The following C1orf87 variants were observed in gnomAD, a reference collection of about 807,000 sequenced individuals.
The protein encoded by C1orf87 is uncharacterized protein C1orf87.
C1orf87 carries 58 observed loss-of-function variants against 60.5 expected under a neutral mutation model. The observed-to-expected ratio is 0.96, with a 90% CI of 0.78 to 1.19. The LOEUF (loss-of-function observed/expected upper bound fraction) is 1.19. Ranked by LOEUF, C1orf87 falls within the 50% of genes most tolerant of loss-of-function variation. C1orf87 has a pLI of 0.00. For synonymous variants in C1orf87, 236 were observed against 227.4 expected (o/e 1.04, Z -0.34); for missense variants, 673 against 638.6 (o/e 1.05, Z -0.58).
intron 10 of C1orf87, among the ~76,000 whole-genome samples, chr1:60,000,418 A>T (rs1463763046): frequency 6.6e-6 from 1 of 152,144 alleles, no homozygotes; most frequent in Non-Finnish European, 1.5e-5. Flanking sequence ...GCTTGCCAAA[A>T]TGGGTACTAT....
In C1orf87 at chr1:59,997,766, T is replaced by A. The variant is rs558980333; in HGVS notation, c.1323A>T (p.Ser441=). 1.2e-6 allele frequency: 2 copies of A among 1,613,922 alleles called. No homozygotes were observed. The highest frequency in any genetic ancestry group is 1.7e-6 in the Non-Finnish European group (2 of 1,179,878). Residue 441 remains serine, a synonymous_variant, in exon 11 of 12, where the codon TCA becomes TCT. Coordinates refer to ENST00000371201, the MANE Select transcript of C1orf87 (RefSeq NM_152377.3). ...AAGGTTTCAGAGGATCTTTGCAGGC[T>A]GAAGTTTCAGCAGGAGAGCTTTCTG... is the stretch of plus-strand genomic sequence containing the variant. ...LQPESSPAET[S]ACKDPLKPLK... is the part of the protein sequence containing the mutation.
At chr1:60,033,813 A>G (rs1379281844) in intron 6 of C1orf87, among the ~76,000 whole-genome samples, 172 bp from the exon 7 acceptor site, 1 of 152,160 alleles carries the variant, frequency 6.6e-6, no homozygotes, top group African/African-American at 2.4e-5. Flanking sequence ...CAGACATTTC[A>G]TAGCTTAACT....
rs11578492 is a variant in C1orf87, at chr1:60,064,308, A to T, written c.107+8229T>A. Reference sequence around the variant, plus strand: ...TATATTATATATATATTTTATATATAATATATAAATTATATATTATATATA... The same window carrying T: ...TATATTATATATATATTTTATATATTATATATAAATTATATATTATATATA... On this transcript the variant is annotated intron_variant, in intron 2 of 11. Coordinates refer to ENST00000371201, the MANE Select transcript of C1orf87 (RefSeq NM_152377.3). Among the ~76,000 whole-genome samples the T allele has an allele frequency of 3.0e-4, 35 of 114,996 alleles. 1 individual carries two copies. Among genetic ancestry groups the T allele is most frequent in the South Asian group, 5.7e-4 (2 of 3,534 alleles). 75.4% of individuals were successfully genotyped at this position (114,996 alleles called of 152,430 possible).
intron 2 of C1orf87, among the ~76,000 whole-genome samples, chr1:60,068,575 C>T (rs35842399): frequency 0.13 from 19,402 of 152,200 alleles, 1,587 homozygotes; most frequent in East Asian, 0.27. Context: ...TGTTTCATGC[C>T]TTTGTGAAAA....
chr1:60,061,624 C>T lies in C1orf87; in HGVS notation c.108-6186G>A, dbSNP rs150482844. Among the ~76,000 whole-genome samples the T allele has an allele frequency of 5.8e-4, 88 of 151,614 alleles. No homozygotes were observed. In the East Asian group the frequency reaches 0.016, roughly 28 times the overall value. On this transcript the variant is annotated intron_variant, in intron 2 of 11. Coordinates refer to ENST00000371201, the MANE Select transcript of C1orf87 (RefSeq NM_152377.3). ...TCCTTCTCAACCCCAGGAAATTGAC[C>T]TCTGTGGACTTACTCTATCAATGGT... is the stretch of plus-strand genomic sequence containing the variant.
intron 7 of C1orf87, among the ~76,000 whole-genome samples, chr1:60,027,691 G>A (rs1309438660): frequency 6.6e-6 from 1 of 151,782 alleles, no homozygotes; most frequent in Non-Finnish European, 1.5e-5. Flanking sequence ...TGTGTATAGA[G>A]GAGAAATGTC....
At chr1:59,990,947 C>G (rs1644917814) in intron 11 of C1orf87, 114 bp from the exon 12 acceptor site, 2 of 992,710 alleles carry the variant, frequency 2.0e-6, no homozygotes, top group African/African-American at 3.3e-5. Flanking sequence ...TAATACTTTG[C>G]AATTTTAAGC....
intron 9 of C1orf87, among the ~76,000 whole-genome samples, chr1:60,009,066 C>T (rs1218723068): frequency 6.6e-6 from 1 of 152,000 alleles, no homozygotes; most frequent in African/African-American, 2.4e-5. Flanking sequence ...ATGTTCAAGT[C>T]CTAATCACTG....
chr1:60,021,840 C>A (rs1172935794), intron 8 of C1orf87, among the ~76,000 whole-genome samples: 2 of 152,216 alleles, frequency 1.3e-5, no homozygotes, highest in South Asian at 2.1e-4. Context: ...AGGATGGGGA[C>A]CACAGCTTTA....
chr1:60,036,767 C>T (rs916562615), intron 6 of C1orf87, among the ~76,000 whole-genome samples: 17 of 152,104 alleles, frequency 1.1e-4, no homozygotes, highest in South Asian at 2.1e-4. Context: ...TACTTTATTG[C>T]GTTTCATTTC....
At chr1:60,025,276 C>T (rs534423901) in intron 8 of C1orf87, 125 bp downstream of exon 8, 2 of 694,782 alleles carry the variant, frequency 2.9e-6, no homozygotes, top group Non-Finnish European at 4.9e-6. Context: ...ATGACATCAT[C>T]TAAACCTAAT....
At chr1:59,993,902 G>A (rs1283433324) in intron 11 of C1orf87, among the ~76,000 whole-genome samples, 1 of 151,940 alleles carries the variant, frequency 6.6e-6, no homozygotes, top group East Asian at 1.9e-4. Flanking sequence ...GGGACTACAG[G>A]TGCCTGCCAC....
chr1:60,054,353 G>A (rs941683215), intron 3 of C1orf87, among the ~76,000 whole-genome samples: 2 of 152,180 alleles, frequency 1.3e-5, no homozygotes, highest in African/African-American at 4.8e-5. Flanking sequence ...GTTCTTATGA[G>A]CAGAAGATCA....
chr1:60,038,323 G>T lies in C1orf87; in HGVS notation c.748-216C>A, dbSNP rs45544434. 4.5e-3 allele frequency among the ~76,000 whole-genome samples: 690 copies of T among 151,890 alleles called. 2 individuals are homozygous for T. Among genetic ancestry groups the T allele is most frequent in the Middle Eastern group, 0.017 (5 of 294 alleles). On this transcript the variant is annotated intron_variant, in intron 5 of 11. Coordinates refer to ENST00000371201, the MANE Select transcript of C1orf87 (RefSeq NM_152377.3). Reference sequence around the variant, plus strand: ...AATTGTACTTCCTGGTTGTCTTCTGGTTGGGTAAGGCCATGTGACTAGTTC... The same window carrying T: ...AATTGTACTTCCTGGTTGTCTTCTGTTTGGGTAAGGCCATGTGACTAGTTC...
intron 9 of C1orf87, among the ~76,000 whole-genome samples, chr1:60,009,579 T>A (rs893679468): frequency 1.3e-5 from 2 of 151,920 alleles, no homozygotes; most frequent in African/African-American, 2.4e-5. Context: ...CTAGTAAAGT[T>A]TCTTAGGTTT....
chr1:60,046,762 T>C (rs1158000095), intron 3 of C1orf87, among the ~76,000 whole-genome samples: 2 of 152,174 alleles, frequency 1.3e-5, no homozygotes, highest in Non-Finnish European at 2.9e-5. Flanking sequence ...AAATGTCTAG[T>C]CTTCCCACTC....
In C1orf87 at chr1:60,030,314, T is replaced by C. The variant is rs189751718; in HGVS notation, c.1029+3162A>G. Among the ~76,000 whole-genome samples the C allele has an allele frequency of 7.6e-3, 1,152 of 152,342 alleles. 9 individuals are homozygous for C. The highest frequency in any genetic ancestry group is 0.017 in the Middle Eastern group (5 of 294). The stretch of plus-strand genomic sequence containing the variant: ...AGTTAGTAAAAATCTTTTTTATACT[T>C]TTAAGGCAGAGCTTCCAGTTATAGA... On this transcript the variant is annotated intron_variant, in intron 7 of 11. Transcript: ENST00000371201.
chr1:60,052,127 G>A (rs1349050074), intron 3 of C1orf87, among the ~76,000 whole-genome samples: 1 of 152,054 alleles, frequency 6.6e-6, no homozygotes, highest in Non-Finnish European at 1.5e-5. Context: ...CACACAAAAG[G>A]GCTTTGAAAA....
At position 60,033,550 on chromosome 1, in the gene C1orf87, G is replaced by A. The variant is rs1645254206; in HGVS notation, c.955C>T (p.Leu319Phe). 1 of 1,613,862 alleles carries A rather than the reference G, an allele frequency of 6.2e-7. No individual in the cohort carries two copies. Among genetic ancestry groups the A allele is most frequent in the East Asian group, 2.2e-5 (1 of 44,878 alleles). The change falls in exon 7 of 12, where the codon CTC becomes TTC. Residue 319 changes from leucine to phenylalanine, a missense_variant. Physicochemically the swap from Leu to Phe is conservative, Grantham distance 22 (BLOSUM62 0). Coordinates refer to ENST00000371201, the MANE Select transcript of C1orf87 (RefSeq NM_152377.3). ...KMALRTTNGR[L>F]NIDNLNLSFR... is the part of the protein sequence containing the mutation. ...CTCAGATTGAGATTGTCTATGTTGA[G>A]TCTGCCATTGGTTGTCCTTAGTGCC... is the stretch of plus-strand genomic sequence containing the variant.
Sources: allele counts gnomAD v4.1 joint callset (sites outside exome capture counted in the v4.1 genomes callset), GRCh38; gene constraint gnomAD v4.1.1; transcripts MANE v1.5; gene names NCBI Gene and HGNC (gene_info 2026-07-23, HGNC 2026-07-21).